EIPR1: variants seen among roughly 807,000 people sequenced by gnomAD.
The protein encoded by EIPR1 is EARP and GARP complex-interacting protein 1.
A neutral mutation model predicts 48.1 loss-of-function variants in EIPR1; 25 were observed. That is an observed-to-expected ratio of 0.52 (90% CI 0.38 to 0.73). The LOEUF (loss-of-function observed/expected upper bound fraction) is 0.73, where lower values mean the gene tolerates loss of function less well. EIPR1 is among the 30% of genes least tolerant of loss of function. EIPR1 has a pLI of 0.00. For synonymous variants in EIPR1, 204 were observed against 201.9 expected (o/e 1.01, Z -0.09); for missense variants, 415 against 506.2 (o/e 0.82, Z 1.73).
chr2:3,367,889 C>G (rs937415693), intron 1 of EIPR1, among the ~76,000 whole-genome samples: 1 of 149,462 alleles, frequency 6.7e-6, no homozygotes, highest in Non-Finnish European at 1.5e-5. Flanking sequence ...TCTAAAAATA[C>G]AAAAAATTAG....
intron 3 of EIPR1, among the ~76,000 whole-genome samples, chr2:3,329,269 T>C (rs1301751086): frequency 0.018 from 697 of 39,462 alleles, 16 homozygotes; most frequent in East Asian, 0.039. Flanking sequence ...TGGATCAGAC[T>C]CTACCCACCA....
chr2:3,247,969 G>A (rs1379232203), intron 4 of EIPR1, among the ~76,000 whole-genome samples: 1 of 152,094 alleles, frequency 6.6e-6, no homozygotes, highest in Non-Finnish European at 1.5e-5. Flanking sequence ...ATTTAAGGGA[G>A]CGACATAGTC....
chr2:3,337,674 A>G (rs1670108000), intron 3 of EIPR1, among the ~76,000 whole-genome samples: 2 of 152,216 alleles, frequency 1.3e-5, no homozygotes, highest in Non-Finnish European at 1.5e-5. Context: ...TCACCAAGAC[A>G]CTACAGGAAA....
intron 4 of EIPR1, among the ~76,000 whole-genome samples, chr2:3,248,454 C>A (rs560832327): frequency 6.6e-6 from 1 of 152,140 alleles, no homozygotes. Flanking sequence ...ATTAGCCAGG[C>A]GTGGTGGTGG....
At chr2:3,201,378 G>A (rs1049932092) in intron 5 of EIPR1, among the ~76,000 whole-genome samples, 8 of 152,206 alleles carry the variant, frequency 5.3e-5, no homozygotes, top group East Asian at 1.9e-4. Context: ...AGTGCTCTGC[G>A]CATAAAATCA....
rs190484931 is a variant in EIPR1 at position 3,309,799 on chromosome 2, G to A, written c.259+28218C>T. On this transcript the variant is annotated intron_variant, in intron 3 of 8. Coordinates refer to ENST00000382125, the MANE Select transcript of EIPR1 (RefSeq NM_003310.5). Reference sequence around the variant, plus strand: ...AAGAGACCGGTCCACACCTCCTTCTGTTCTAACACCCCCCTTACTACCTGT... The same window carrying A: ...AAGAGACCGGTCCACACCTCCTTCTATTCTAACACCCCCCTTACTACCTGT... Among the ~76,000 whole-genome samples, 397 of 152,328 alleles carry A rather than the reference G, an allele frequency of 2.6e-3. 3 individuals are homozygous for A. The highest frequency in any genetic ancestry group is 5.6e-3 in the South Asian group (27 of 4,824).
At chr2:3,283,806 G>A (rs2103263244) in intron 3 of EIPR1, among the ~76,000 whole-genome samples, 1 of 152,210 alleles carries the variant, frequency 6.6e-6, no homozygotes, top group Non-Finnish European at 1.5e-5. Context: ...AGCCGGGCGT[G>A]GTGGCGGCTG....
chr2:3,352,594 A>T (rs1670612628), intron 2 of EIPR1, among the ~76,000 whole-genome samples: 1 of 152,274 alleles, frequency 6.6e-6, no homozygotes, highest in African/African-American at 2.4e-5. Flanking sequence ...TGCTGTTGAC[A>T]TATCCTCTGA....
chr2:3,329,356 T>C (rs1381508399), intron 3 of EIPR1, among the ~76,000 whole-genome samples: 7 of 151,470 alleles, frequency 4.6e-5, no homozygotes, highest in African/African-American at 9.7e-5. Context: ...GATCTCGGGA[T>C]GCCAGCCTGG....
intron 5 of EIPR1, among the ~76,000 whole-genome samples, 198 bp from the exon 6 acceptor site, chr2:3,197,215 G>A (rs1262891891): frequency 6.6e-6 from 1 of 152,144 alleles, no homozygotes; most frequent in Non-Finnish European, 1.5e-5. Flanking sequence ...ATAAAACTGA[G>A]CACAGCAAAA....
intron 4 of EIPR1, among the ~76,000 whole-genome samples, chr2:3,232,948 C>G (rs994984576): frequency 6.6e-6 from 1 of 152,182 alleles, no homozygotes; most frequent in Admixed American, 6.5e-5. Context: ...ACACAAGAAG[C>G]CTCTTGCCTT....
intron 1 of EIPR1, among the ~76,000 whole-genome samples, chr2:3,363,012 G>A (rs1459825983): frequency 6.6e-6 from 1 of 152,218 alleles, no homozygotes; most frequent in Non-Finnish European, 1.5e-5. Context: ...GCTAAGGGGA[G>A]AGGTGTTGCA....
At chr2:3,270,363 A>G (rs1337164276) in intron 3 of EIPR1, among the ~76,000 whole-genome samples, 1 of 152,002 alleles carries the variant, frequency 6.6e-6, no homozygotes, top group Non-Finnish European at 1.5e-5. Flanking sequence ...TCTGCGGGGT[A>G]CCTCCTCCAA....
intron 4 of EIPR1, among the ~76,000 whole-genome samples, chr2:3,235,323 T>A (rs1033209302): frequency 2.6e-5 from 4 of 152,254 alleles, no homozygotes; most frequent in Non-Finnish European, 5.9e-5. Flanking sequence ...CCGGCCTTCA[T>A]CTGAAGAATA....
At chr2:3,212,312 G>A (rs997865050) in intron 5 of EIPR1, among the ~76,000 whole-genome samples, 4 of 152,194 alleles carry the variant, frequency 2.6e-5, no homozygotes, top group South Asian at 2.1e-4. Context: ...TCCACCTGCC[G>A]CATCCTAACG....
chr2:3,253,852 CA>C (rs1183092010), intron 4 of EIPR1, among the ~76,000 whole-genome samples: 1 of 152,148 alleles, frequency 6.6e-6, no homozygotes, highest in Non-Finnish European at 1.5e-5. Context: ...TCCAGACAGG[CA>C]AAAGCTGAAA....
chr2:3,291,580 T>G (rs904054280), intron 3 of EIPR1, among the ~76,000 whole-genome samples: 5 of 152,146 alleles, frequency 3.3e-5, no homozygotes, highest in Non-Finnish European at 7.4e-5. Flanking sequence ...TCCTAAAAAA[T>G]TGGTTTTTAA....
chr2:3,195,560 C>T (rs1481021869), intron 6 of EIPR1, among the ~76,000 whole-genome samples: 1 of 152,116 alleles, frequency 6.6e-6, no homozygotes, highest in African/African-American at 2.4e-5. Flanking sequence ...AAATATAATA[C>T]CTAAACTTTT....
At chr2:3,255,189 T>A (rs1179669783) in intron 4 of EIPR1, among the ~76,000 whole-genome samples, 3 of 111,474 alleles carry the variant, frequency 2.7e-5, no homozygotes, top group Admixed American at 1.0e-4. Context: ...TTTCTTACTT[T>A]CTTTTTTTTT....
Sources: allele counts gnomAD v4.1 joint callset (sites outside exome capture counted in the v4.1 genomes callset), GRCh38; gene constraint gnomAD v4.1.1; transcripts MANE v1.5; gene names NCBI Gene and HGNC (gene_info 2026-07-23, HGNC 2026-07-21).